The following A2ML1 variants were observed in gnomAD, a reference collection of about 807,000 sequenced individuals.
A2ML1 encodes alpha-2-macroglobulin like 1, also known as alpha-2-macroglobulin-like protein 1.
A2ML1 carries 161 observed loss-of-function variants against 181.9 expected under a neutral mutation model. That is an observed-to-expected ratio of 0.89 (90% CI 0.78 to 1.01). A2ML1 has a LOEUF of 1.01. Among genes scored for constraint, A2ML1 ranks in the 50% least tolerant of loss-of-function variants. The probability of loss-of-function intolerance (pLI) is 0.00; values close to 1 mark genes in which losing one functional copy is unlikely to be tolerated. For missense variants in A2ML1, 1,670 were observed against 1,768.1 expected (o/e 0.94, Z 1.00); for synonymous variants, 663 against 666.8 (o/e 0.99, Z 0.09).
intron 17 of A2ML1, 67 bp downstream of exon 17, chr12:8,849,826 T>C: frequency 1.4e-6 from 2 of 1,450,300 alleles, no homozygotes; most frequent in Non-Finnish European, 1.9e-6. Context: ...GCAGATTTCC[T>C]CTTGCCTCCT....
At position 8,852,381 on chromosome 12, in the gene A2ML1, A is replaced by C. The variant is rs371184438; in HGVS notation, c.2590+45A>C. 1.1e-5 allele frequency: 17 copies of C among 1,610,932 alleles called. No homozygotes were observed. The highest frequency in any genetic ancestry group is 1.3e-5 in the Non-Finnish European group (15 of 1,178,234). On this transcript the variant is annotated intron_variant, in intron 20 of 35. Coordinates refer to ENST00000299698, the MANE Select transcript of A2ML1 (RefSeq NM_144670.6). This position sits in a 1 kb window ranked among gnomAD's most constrained non-coding sequence, Gnocchi z 4.2. ...GACGGGCGAGGAAAGCCAGCAGCAGAAGACCAGTGACTGAGCACTCAGTCT... is the reference window on the plus strand; with the variant it reads ...GACGGGCGAGGAAAGCCAGCAGCAGCAGACCAGTGACTGAGCACTCAGTCT...
rs1309789824 is a variant in A2ML1 at position 8,823,902 on chromosome 12, G to T, written c.409+20G>T. 6.2e-7 allele frequency: 1 copy of T among 1,600,156 alleles called. No homozygotes were observed. Among genetic ancestry groups the T allele is most frequent in the East Asian group, 2.2e-5 (1 of 44,702 alleles). Reference sequence around the variant, plus strand: ...AGCAAGGTAAGAGTCACATATTTGGGGTTCGACTAAAACCTGGGGAAACCG... The same window carrying T: ...AGCAAGGTAAGAGTCACATATTTGGTGTTCGACTAAAACCTGGGGAAACCG... On this transcript the variant is annotated intron_variant, in intron 3 of 35. Transcript: ENST00000299698.
At chr12:8,863,237 G>T (rs770364736) in intron 28 of A2ML1, among the ~76,000 whole-genome samples, 85 of 152,076 alleles carry the variant, frequency 5.6e-4, no homozygotes, top group African/African-American at 2.0e-3. Flanking sequence ...CTCCCAAGTA[G>T]CTGGGATTAG....
chr12:8,838,284 G>C, intron 8 of A2ML1, 52 bp from the exon 9 acceptor site: 2 of 1,248,972 alleles, frequency 1.6e-6, no homozygotes, highest in Non-Finnish European at 2.3e-6. Flanking sequence ...AATGGATGTA[G>C]AGATTAGATT....
chr12:8,878,501 G>C (rs916225392), downstream of A2ML1, among the ~76,000 whole-genome samples: 3 of 152,112 alleles, frequency 2.0e-5, no homozygotes, highest in South Asian at 6.2e-4. This position sits in a 1 kb window ranked among gnomAD's most constrained non-coding sequence, Gnocchi z 4.4. Context: ...ATTCCAAAAG[G>C]GAGAAGGGAG....
chr12:8,842,213 G>A (rs1019520615), intron 11 of A2ML1, among the ~76,000 whole-genome samples: 2 of 149,676 alleles, frequency 1.3e-5, no homozygotes, highest in Non-Finnish European at 3.0e-5. Context: ...TATTGCATAT[G>A]TTTTTTTCTT....
Position 8,847,623 on chromosome 12 carries a change from A to G in A2ML1, c.1758A>G (p.Gly586=), listed in dbSNP as rs754085951. ...AGCTGCAGCTGCAGGCAGCTCCCGG[A>G]TCCCTGTGTGCGCTCCGGGCGGTGG... The part of the protein sequence containing the change: ...EVELQLQAAP[G]SLCALRAVDE... The change falls in exon 15 of 36, where the codon GGA becomes GGG. Residue 586 remains glycine (G), a synonymous_variant. Transcript: ENST00000299698. The G allele has an allele frequency of 4.3e-6, 7 of 1,613,544 alleles. No individual in the cohort carries two copies. The East Asian group carries it at 1.3e-4, about 31-fold the overall frequency.
At chr12:8,829,643 A>ACC in intron 3 of A2ML1, 84 bp from the exon 4 acceptor site, 2 of 1,329,932 alleles carry the variant, frequency 1.5e-6, no homozygotes, top group South Asian at 2.5e-5. Flanking sequence ...TGACAGAGTG[A>ACC]GACCCTGTAT....
At chr12:8,851,701 C>A in intron 18 of A2ML1, 83 bp from the exon 19 acceptor site, 2 of 1,318,306 alleles carry the variant, frequency 1.5e-6, no homozygotes, top group Non-Finnish European at 2.1e-6. Flanking sequence ...CCAGCACACC[C>A]CACCGAATTT....
In A2ML1 at chr12:8,837,495, G is replaced by A; in HGVS notation, c.784G>A (p.Ala262Thr). The A allele has an allele frequency of 6.2e-7, 1 of 1,614,068 alleles. No homozygotes were observed. The highest frequency in any genetic ancestry group is 8.5e-7 in the Non-Finnish European group (1 of 1,179,958). ...GAVQVSVCQK[A>T]NTYWYREVER... ...AGTGCAGGTATCTGTGTGTCAGAAG[G>A]CAAATACTTACTGGTATCGAGAGGT... The change falls in exon 8 of 36, where the codon GCA becomes ACA. Residue 262 changes from alanine to threonine, a missense_variant. Coordinates refer to ENST00000299698, the MANE Select transcript of A2ML1 (RefSeq NM_144670.6).
chr12:8,823,645 A>G, intron 2 of A2ML1, 75 bp from the exon 3 acceptor site: 1 of 1,492,102 alleles, frequency 6.7e-7, no homozygotes. Flanking sequence ...CCTTTAACTC[A>G]CTGTTGGGTT....
In A2ML1 at chr12:8,844,869, C is replaced by G. The variant is rs1392604662; in HGVS notation, c.1477-573C>G. 6.5e-6 allele frequency: 4 copies of G among 619,338 alleles called. No individual in the cohort carries two copies. The African/African-American group carries it at 7.7e-5, about 12-fold the overall frequency. 38.4% of individuals were successfully genotyped at this position (619,338 alleles called of 1,614,324 possible). A position where few individuals can be genotyped will look rare whatever the true frequency, so the allele number is the denominator to read the frequency against. Reference sequence around the variant, plus strand: ...GAATGGCTAATGCTGGGCAGGCGTCCAAGGAACCGACCTTGGAGCCCTGCA... The same window carrying G: ...GAATGGCTAATGCTGGGCAGGCGTCGAAGGAACCGACCTTGGAGCCCTGCA... On this transcript the variant is annotated intron_variant, in intron 12 of 35. Transcript: ENST00000299698.
At position 8,846,096 on chromosome 12, in the gene A2ML1, T is replaced by C; in HGVS notation, c.1557T>C (p.Ser519=). ...SKKKGLKASF[S]LSLTFTSRLA... ...TTTCAGGACTGAAAGCCTCCTTCTC[T>C]CTCTCACTGACCTTCACTTCGAGAC... is the stretch of plus-strand genomic sequence containing the variant. Residue 519 remains serine (S), a synonymous_variant, in exon 14 of 36, where the codon TCT becomes TCC. Transcript: ENST00000299698. 6.2e-7 allele frequency: 1 copy of C among 1,614,164 alleles called. No individual in the cohort carries two copies. The highest frequency in any genetic ancestry group is 8.5e-7 in the Non-Finnish European group (1 of 1,180,026).
chr12:8,845,128 A>T, intron 12 of A2ML1: 1 of 1,478,270 alleles, frequency 6.8e-7, no homozygotes, highest in South Asian at 1.3e-5. Flanking sequence ...AGATTATAAG[A>T]AAATAAAATT....
exon 8 of A2ML1, chr12:8,886,697 C>G (rs1944924429): frequency 6.6e-6 from 1 of 152,186 alleles, no homozygotes; most frequent in African/African-American, 2.4e-5. Flanking sequence ...AGTGGCCTAT[C>G]CTCTGTGATT....
At chr12:8,858,188 C>T in intron 26 of A2ML1, 86 bp downstream of exon 26, 1 of 1,464,706 alleles carries the variant, frequency 6.8e-7, no homozygotes, top group Non-Finnish European at 9.1e-7. Flanking sequence ...AGAGCACTGG[C>T]CTGGGAATCA....
intron 4 of A2ML1, chr12:8,830,709 GT>G (rs1943082865): frequency 6.6e-6 from 1 of 152,112 alleles, no homozygotes; most frequent in Non-Finnish European, 1.5e-5. Flanking sequence ...CCCAGCCTGT[GT>G]ATTCAAATGA....
chr12:8,873,751 T>C (rs1006365032), intron 33 of A2ML1, among the ~76,000 whole-genome samples: 3 of 152,122 alleles, frequency 2.0e-5, no homozygotes, highest in Admixed American at 6.6e-5. Context: ...AGGGACCAGA[T>C]TGAAGAAAGC....
At chr12:8,849,013 A>C in intron 16 of A2ML1, 99 bp downstream of exon 16, 1 of 1,287,400 alleles carries the variant, frequency 7.8e-7, no homozygotes, top group Non-Finnish European at 1.1e-6. Flanking sequence ...TCATATGGGC[A>C]CTGATGGGAA....
Sources: gnomAD v4.1 joint callset for allele counts (sites outside exome capture counted in the v4.1 genomes callset) on GRCh38, gnomAD v4.1.1 for gene constraint, Gnocchi (gnomAD v3.1) non-coding constraint, MANE v1.5 for transcripts, NCBI Gene and HGNC (gene_info 2026-07-23, HGNC 2026-07-21) for gene names.